Variants in R3HDM1 observed in about 807,000 individuals in gnomAD.
R3HDM1 encodes R3H domain-containing protein 1.
A neutral mutation model predicts 141.1 loss-of-function variants in R3HDM1; 46 were observed. The observed-to-expected ratio is 0.33, with a 90% CI of 0.26 to 0.42. The LOEUF (loss-of-function observed/expected upper bound fraction) is 0.42. R3HDM1 is among the 10% of genes least tolerant of loss of function. The pLI is 1.00. For missense variants in R3HDM1, 1,184 were observed against 1,368.3 expected (o/e 0.87, Z 2.12); for synonymous variants, 435 against 472.9 (o/e 0.92, Z 1.04).
At chr2:135,614,435 TAG>T (rs1172093050) in intron 3 of R3HDM1, among the ~76,000 whole-genome samples, 1 of 152,224 alleles carries the variant, frequency 6.6e-6, no homozygotes, top group Non-Finnish European at 1.5e-5. Context: ...TGACACACTT[TAG>T]AGTTTTCAAA....
At chr2:135,549,803 CTA>C (rs373619458) in intron 1 of R3HDM1, 1 of 260,340 alleles carries the variant, frequency 3.8e-6, no homozygotes. Context: ...AGTTTTGAAA[CTA>C]GAGATAGCTG....
intron 16 of R3HDM1, chr2:135,649,221 T>G (rs955128773): frequency 6.6e-6 from 1 of 152,072 alleles, no homozygotes; most frequent in Non-Finnish European, 1.5e-5. Context: ...CCCGCCACCA[T>G]GCCCGGCTAA....
chr2:135,607,050 G>A (rs924048358), intron 3 of R3HDM1, among the ~76,000 whole-genome samples: 5 of 151,908 alleles, frequency 3.3e-5, no homozygotes, highest in Admixed American at 6.6e-5. Context: ...GTGTAGTGGC[G>A]CAACCTTGGC....
chr2:135,696,230 T>A (rs953449963), intron 21 of R3HDM1, among the ~76,000 whole-genome samples: 1 of 152,022 alleles, frequency 6.6e-6, no homozygotes, highest in African/African-American at 2.4e-5. Context: ...GGCCAAAAAA[T>A]ATATATAAAC....
chr2:135,655,762 G>A (rs2065794811), intron 18 of R3HDM1, among the ~76,000 whole-genome samples: 2 of 151,932 alleles, frequency 1.3e-5, no homozygotes, highest in Non-Finnish European at 2.9e-5. Flanking sequence ...CCAAAGTGCT[G>A]GGATTACAGA....
intron 7 of R3HDM1, among the ~76,000 whole-genome samples, chr2:135,626,209 GTGCTTGCTTGCT>G (rs56860646): frequency 3.2e-4 from 46 of 143,448 alleles, no homozygotes; most frequent in African/African-American, 5.8e-4. Flanking sequence ...GCGTGCGTGC[GTGCTTGCTTGCT>G]TGCTTGCTTG....
intron 21 of R3HDM1, among the ~76,000 whole-genome samples, chr2:135,692,419 G>A (rs2072555842): frequency 6.6e-6 from 1 of 151,994 alleles, no homozygotes; most frequent in Non-Finnish European, 1.5e-5. Context: ...GGCCAACAGG[G>A]CAAAACCCTA....
Position 135,649,987 on chromosome 2 carries a change from C to A in R3HDM1, c.1709C>A (p.Thr570Asn). The change falls in exon 17 of 27, where the codon ACC becomes AAC. Residue 570 changes from threonine to asparagine, a missense_variant. Thr to Asn is a moderately conservative substitution (Grantham distance 65). Transcript: ENST00000683871. ...YPSPFLPVSP[T>N]QQYSVQDNLG... Reference sequence around the variant, plus strand: ...TCCCCGTTCCTGCCAGTCTCACCCACCCAGCAATACTCTGTGGTACTATAT... The same window carrying A: ...TCCCCGTTCCTGCCAGTCTCACCCAACCAGCAATACTCTGTGGTACTATAT... The A allele has an allele frequency of 7.7e-7, 1 of 1,292,136 alleles. No homozygotes were observed. The highest frequency in any genetic ancestry group is 1.0e-6 in the Non-Finnish European group (1 of 983,070). The allele number at this position is 1,292,136 out of a possible 1,614,324, so 80.0% of individuals were successfully genotyped here. A position where few individuals can be genotyped will look rare whatever the true frequency, so the allele number is the denominator to read the frequency against.
At chr2:135,616,538 A>G in intron 4 of R3HDM1, 130 bp from the exon 5 acceptor site, 1 of 731,918 alleles carries the variant, frequency 1.4e-6, no homozygotes, top group Non-Finnish European at 2.2e-6. Context: ...TGATATATTT[A>G]ACTTGCACAT....
chr2:135,559,711 T>G (rs949278551), intron 1 of R3HDM1, among the ~76,000 whole-genome samples: 1 of 152,226 alleles, frequency 6.6e-6, no homozygotes, highest in East Asian at 1.9e-4. Flanking sequence ...GACACTTGTT[T>G]AGTAGTTGGT....
intron 6 of R3HDM1, chr2:135,622,093 A>G (rs2061563375): frequency 3.1e-6 from 3 of 982,578 alleles, no homozygotes; most frequent in Non-Finnish European, 3.6e-6. Context: ...TATGTTGACC[A>G]GTATTATAAA....
chr2:135,667,639 C>G (rs1353181131), intron 19 of R3HDM1: 10 of 975,792 alleles, frequency 1.0e-5, no homozygotes, highest in Non-Finnish European at 3.7e-6. Context: ...ATGTGGTAGC[C>G]AAGTTGGAGT....
At chr2:135,633,801 T>A (rs2062971309) in intron 9 of R3HDM1, 1 of 152,172 alleles carries the variant, frequency 6.6e-6, no homozygotes, top group African/African-American at 2.4e-5. Context: ...TACAGGGCAG[T>A]AAATTCAGGC....
chr2:135,589,694 AAT>A (rs942913073), intron 1 of R3HDM1, among the ~76,000 whole-genome samples: 3 of 152,014 alleles, frequency 2.0e-5, no homozygotes, highest in African/African-American at 7.2e-5. Flanking sequence ...TTATATAATA[AAT>A]ATATGTTTCC....
intron 9 of R3HDM1, among the ~76,000 whole-genome samples, chr2:135,633,494 C>G (rs959434103): frequency 1.3e-5 from 2 of 152,056 alleles, no homozygotes; most frequent in Non-Finnish European, 2.9e-5. Context: ...TAATCAAAAG[C>G]TAGGCTCAGC....
At chr2:135,605,567 GA>G (rs2059977682) in intron 3 of R3HDM1, 1 of 152,288 alleles carries the variant, frequency 6.6e-6, no homozygotes, top group Non-Finnish European at 1.5e-5. Context: ...ACAAATTGAA[GA>G]TAGGTAAAAA....
chr2:135,585,741 A>G (rs764989049), intron 1 of R3HDM1, among the ~76,000 whole-genome samples: 2 of 152,222 alleles, frequency 1.3e-5, no homozygotes, highest in African/African-American at 2.4e-5. Flanking sequence ...AGCATCTGAC[A>G]TGAGGCAGAA....
At chr2:135,688,906 A>G (rs929220825) in intron 21 of R3HDM1, among the ~76,000 whole-genome samples, 14 of 152,222 alleles carry the variant, frequency 9.2e-5, no homozygotes, top group African/African-American at 3.4e-4. Flanking sequence ...ACTGCGCTCC[A>G]TCCTGGATGA....
intron 1 of R3HDM1, among the ~76,000 whole-genome samples, chr2:135,546,964 G>A (rs751723926): frequency 2.0e-5 from 3 of 152,000 alleles, no homozygotes; most frequent in Non-Finnish European, 2.9e-5. Flanking sequence ...GAGCCACCGC[G>A]CCCAGCCAAG....
Sources: gnomAD v4.1 joint callset for allele counts (sites outside exome capture counted in the v4.1 genomes callset) on GRCh38, gnomAD v4.1.1 for gene constraint, MANE v1.5 for transcripts, NCBI Gene and HGNC (gene_info 2026-07-23, HGNC 2026-07-21) for gene names.